The following TCF12 variants were observed in gnomAD, a reference collection of about 807,000 sequenced individuals.
The protein encoded by TCF12 is transcription factor 12.
In TCF12, 45 loss-of-function variants were observed where a neutral mutation model predicts 86.0. The observed-to-expected ratio is 0.52, with a 90% confidence interval of 0.41 to 0.67. TCF12 has a LOEUF of 0.67. Among genes scored for constraint, TCF12 ranks in the 30% least tolerant of loss-of-function variants. TCF12 has a pLI of 0.00. For missense variants in TCF12, 881 were observed against 859.9 expected (o/e 1.02, Z -0.31); for synonymous variants, 330 against 299.6 (o/e 1.10, Z -1.05).
chr15:57,056,117 G>GTGTA (rs1491145594), intron 3 of TCF12, among the ~76,000 whole-genome samples: 1 of 338 alleles, frequency 3.0e-3, no homozygotes, highest in African/African-American at 0.011. Flanking sequence ...AGTTTTAGGG[G>GTGTA]TGTGTGTGTG....
At position 56,958,674 on chromosome 15, in the gene TCF12, AGAGAGTGTGTGT is replaced by A. The variant is rs1420497538; in HGVS notation, c.148+37578_148+37589del. Among the ~76,000 whole-genome samples the A allele has an allele frequency of 1.9e-3, 125 of 64,584 alleles. 2 individuals are homozygous for A. The highest frequency in any genetic ancestry group is 5.7e-3 in the African/African-American group (123 of 21,392). 42.4% of individuals were successfully genotyped at this position (64,584 alleles called of 152,430 possible). Reference sequence around the variant, plus strand: ...CTGTATATGAGAAAGAGAGAGAGAGAGAGAGTGTGTGTGTGTGTGTGTGTGTGTGTGTGTGTG... The same window carrying A: ...CTGTATATGAGAAAGAGAGAGAGAGAGTGTGTGTGTGTGTGTGTGTGTGTG... On this transcript the variant is annotated intron_variant, in intron 3 of 20. Coordinates refer to ENST00000333725, the MANE Select transcript of TCF12 (RefSeq NM_207037.2).
Position 56,918,686 on chromosome 15 carries a change from C to T in TCF12, c.-243C>T, listed in dbSNP as rs532287814. 1.1e-4 allele frequency: 21 copies of T among 190,984 alleles called. No homozygotes were observed. The highest frequency in any genetic ancestry group is 2.3e-4 in the Admixed American group (4 of 17,718). The allele number at this position is 190,984 out of a possible 1,614,324, so 11.8% of individuals were successfully genotyped here. A position where few individuals can be genotyped will look rare whatever the true frequency, so the allele number is the denominator to read the frequency against. On this transcript the variant is annotated 5_prime_UTR_variant, in exon 1 of 21. Coordinates refer to ENST00000333725, the MANE Select transcript of TCF12 (RefSeq NM_207037.2). Reference sequence around the variant, plus strand: ...GAGGCCGCCTCAGCGAAAAAAATGTCCGCCTGAAGAGACCCACAAGTTCTA... The same window carrying T: ...GAGGCCGCCTCAGCGAAAAAAATGTTCGCCTGAAGAGACCCACAAGTTCTA...
intron 8 of TCF12, among the ~76,000 whole-genome samples, chr15:57,212,085 A>G (rs184127036): frequency 3.3e-5 from 5 of 152,156 alleles, no homozygotes; most frequent in Admixed American, 2.6e-4. Flanking sequence ...GAATACAACA[A>G]GATTCAAAAT....
intron 16 of TCF12, among the ~76,000 whole-genome samples, chr15:57,258,698 C>G (rs1003515044): frequency 3.9e-5 from 6 of 152,044 alleles, no homozygotes; most frequent in Non-Finnish European, 7.4e-5. Context: ...GTGACATATT[C>G]TTGTATGAGA....
chr15:57,288,519 TAGTG>T lies in TCF12; in HGVS notation c.*2378_*2381del, dbSNP rs1344231123. The T allele has an allele frequency of 6.6e-6, 1 of 152,588 alleles. No homozygotes were observed. Among genetic ancestry groups the T allele is most frequent in the African/African-American group, 2.4e-5 (1 of 41,414 alleles). 9.5% of individuals were successfully genotyped at this position (152,588 alleles called of 1,614,324 possible). ...CCATCTTTTTTTTAACACAGTAAAATAGTGAGTTTTTTACATTTCTCTTTCTCAA... is the reference window on the plus strand; with the variant it reads ...CCATCTTTTTTTTAACACAGTAAAATAGTTTTTTACATTTCTCTTTCTCAA... On this transcript the variant is annotated 3_prime_UTR_variant, in exon 21 of 21. Transcript: ENST00000333725.
intron 4 of TCF12, among the ~76,000 whole-genome samples, chr15:57,076,481 C>G (rs897891227): frequency 1.3e-5 from 2 of 151,894 alleles, no homozygotes; most frequent in African/African-American, 4.8e-5. Flanking sequence ...GATGAATCCC[C>G]GTCTCTACTA....
At position 57,185,519 on chromosome 15, in the gene TCF12, A is replaced by G. The variant is rs115021703; in HGVS notation, c.391-6639A>G. Reference sequence around the variant, plus strand: ...TGAAGAAAGCAGAAGAAGAAAGGAAATAACAAAAGATTAGAACAGAAATAA... The same window carrying G: ...TGAAGAAAGCAGAAGAAGAAAGGAAGTAACAAAAGATTAGAACAGAAATAA... On this transcript the variant is annotated intron_variant, in intron 6 of 20. Transcript: ENST00000333725. Among the ~76,000 whole-genome samples the G allele has an allele frequency of 3.8e-3, 583 of 152,364 alleles. 4 individuals carry two copies. Among genetic ancestry groups the G allele is most frequent in the African/African-American group, 0.014 (569 of 41,586 alleles).
chr15:57,154,691 C>G (rs1265875638), intron 5 of TCF12, among the ~76,000 whole-genome samples: 2 of 152,076 alleles, frequency 1.3e-5, no homozygotes, highest in African/African-American at 4.8e-5. Context: ...TTCATTAATG[C>G]TAAGAAGAGT....
chr15:57,091,114 C>T (rs1282148491), intron 4 of TCF12, among the ~76,000 whole-genome samples: 2 of 152,096 alleles, frequency 1.3e-5, no homozygotes, highest in African/African-American at 2.4e-5. Flanking sequence ...GAATTTAAAT[C>T]AGCTATGTTT....
rs113485047 is a variant in TCF12, at chr15:57,070,089, A to C, written c.222+6266A>C. 1.4e-4 allele frequency among the ~76,000 whole-genome samples: 22 copies of C among 152,260 alleles called. 4 individuals carry two copies. The highest frequency in any genetic ancestry group is 5.3e-4 in the African/African-American group (22 of 41,566). On this transcript the variant is annotated intron_variant, in intron 4 of 20. Transcript: ENST00000333725. ...TTCCTCACTAAAGTTTGGGGCTTAT[A>C]CCTGTCAGTGGAAAGGGGAAAACCA...
intron 8 of TCF12, among the ~76,000 whole-genome samples, chr15:57,200,063 T>C (rs1301816469): frequency 2.1e-5 from 3 of 143,750 alleles, no homozygotes; most frequent in Non-Finnish European, 4.6e-5. Context: ...TTTTTTTTTG[T>C]AGAGACGAGG....
chr15:57,132,743 A>G (rs1337120981), intron 5 of TCF12, among the ~76,000 whole-genome samples: 1 of 152,140 alleles, frequency 6.6e-6, no homozygotes, highest in East Asian at 1.9e-4. Flanking sequence ...CATATAGTCA[A>G]TCAGTTATTC....
chr15:57,231,117 T>C (rs2059118882), intron 8 of TCF12, 35 bp from the exon 9 acceptor site: 2 of 1,479,324 alleles, frequency 1.4e-6, no homozygotes, highest in Non-Finnish European at 1.9e-6. Context: ...TGATAGTCAT[T>C]TACATTTTAA....
chr15:57,240,272 A>G (rs988329726), intron 12 of TCF12, among the ~76,000 whole-genome samples: 1 of 152,158 alleles, frequency 6.6e-6, no homozygotes, highest in Admixed American at 6.5e-5. Context: ...TGGGGCTTAT[A>G]TTTTACCATG....
chr15:57,207,916 A>G (rs1322535985), intron 8 of TCF12, among the ~76,000 whole-genome samples: 2 of 152,142 alleles, frequency 1.3e-5, no homozygotes, highest in Non-Finnish European at 2.9e-5. Context: ...TCAGGAGAAT[A>G]TGAATCCCTT....
intron 3 of TCF12, among the ~76,000 whole-genome samples, chr15:56,997,595 C>A (rs1405052321): frequency 6.6e-6 from 1 of 152,076 alleles, no homozygotes; most frequent in Non-Finnish European, 1.5e-5. Flanking sequence ...ATGTAACAAA[C>A]CTGCACATAT....
chr15:57,144,752 T>C (rs1157005778), intron 5 of TCF12, among the ~76,000 whole-genome samples: 1 of 152,088 alleles, frequency 6.6e-6, no homozygotes, highest in Admixed American at 6.6e-5. Flanking sequence ...TCACACATCA[T>C]CATGCCCAGC....
chr15:57,192,264 G>A lies in TCF12; in HGVS notation c.497G>A (p.Arg166Lys). 6.2e-7 allele frequency: 1 copy of A among 1,614,112 alleles called. No homozygotes were observed. The highest frequency in any genetic ancestry group is 2.2e-5 in the East Asian group (1 of 44,882). ...TCATTCTCTGCTACAAGTTCCAGGAGGAGACCACTCCATGACTCTGCAGCG... is the reference window on the plus strand; with the variant it reads ...TCATTCTCTGCTACAAGTTCCAGGAAGAGACCACTCCATGACTCTGCAGCG... ...YYSFSATSSR[R>K]RPLHDSAALD... Residue 166 changes from arginine to lysine, a missense_variant, in exon 7 of 21, where the codon AGG (arginine) becomes AAG (lysine). By Grantham distance (26) the Arg-to-Lys change is conservative. Around this residue, in one of 3 missense-constraint regions of TCF12, gnomAD observed 766 missense variants for 718.9 expected, o/e 1.07. Coordinates refer to ENST00000333725, the MANE Select transcript of TCF12 (RefSeq NM_207037.2).
intron 3 of TCF12, among the ~76,000 whole-genome samples, chr15:57,041,198 G>T (rs1165451254): frequency 6.6e-6 from 1 of 152,184 alleles, no homozygotes; most frequent in Non-Finnish European, 1.5e-5. Context: ...GTACAATAAA[G>T]ATTAAAAGAA....
Sources: allele counts gnomAD v4.1 joint callset (sites outside exome capture counted in the v4.1 genomes callset), GRCh38; gene constraint gnomAD v4.1.1; regional missense constraint gnomAD v4.1.1; transcripts MANE v1.5; gene names NCBI Gene and HGNC (gene_info 2026-07-23, HGNC 2026-07-21).